The following METTL2A variants were observed in gnomAD, a reference collection of about 807,000 sequenced individuals.
METTL2A encodes the protein tRNA N(3)-cytidine methyltransferase METTL2A.
METTL2A carries 45 observed loss-of-function variants against 49.4 expected under a neutral mutation model. The observed-to-expected ratio is 0.91, with a 90% CI of 0.72 to 1.17. The LOEUF (loss-of-function observed/expected upper bound fraction) is 1.17, where lower values mean the gene tolerates loss of function less well. METTL2A is among the 50% of genes most tolerant of loss of function. The pLI is 0.00. For missense variants in METTL2A, 361 were observed against 462.2 expected (o/e 0.78, Z 2.01); for synonymous variants, 118 against 167.5 (o/e 0.70, Z 2.28).
chr17:62,439,901 G>A (rs2144149606), intron 5 of METTL2A, among the ~76,000 whole-genome samples: 1 of 152,158 alleles, frequency 6.6e-6, no homozygotes, highest in South Asian at 2.1e-4. Flanking sequence ...TATTTTAAAA[G>A]CAACTATTAG....
At chr17:62,424,361 C>G (rs1435463031) in intron 2 of METTL2A, 51 bp downstream of exon 2, 1 of 1,609,010 alleles carries the variant, frequency 6.2e-7, no homozygotes, top group Non-Finnish European at 8.5e-7. Context: ...TACTGCCGAA[C>G]GCGCCCTCCC....
chr17:62,437,776 A>G (rs1466675303), intron 5 of METTL2A, among the ~76,000 whole-genome samples: 1 of 151,942 alleles, frequency 6.6e-6, no homozygotes, highest in Non-Finnish European at 1.5e-5. Flanking sequence ...GTTCGATACC[A>G]TCCTGACCAA....
chr17:62,425,987 C>T (rs1401354893), intron 2 of METTL2A, among the ~76,000 whole-genome samples: 6 of 145,610 alleles, frequency 4.1e-5, no homozygotes, highest in African/African-American at 1.3e-4. Context: ...GGTGACAGAG[C>T]GAGACTCTGT....
At chr17:62,432,798 T>G (rs2070675028) in intron 4 of METTL2A, among the ~76,000 whole-genome samples, 1 of 139,188 alleles carries the variant, frequency 7.2e-6, no homozygotes, top group African/African-American at 3.0e-5. Flanking sequence ...TGAGACTCCG[T>G]CTCAAAAAAA....
intron 1 of METTL2A, 40 bp downstream of exon 1, chr17:62,424,052 T>C: frequency 6.2e-7 from 1 of 1,603,570 alleles, no homozygotes; most frequent in Non-Finnish European, 8.5e-7. Context: ...TCGCTGACCC[T>C]CTGTCCCGCC....
At chr17:62,426,000 C>CAAAA (rs1315462000) in intron 2 of METTL2A, among the ~76,000 whole-genome samples, 1 of 76,092 alleles carries the variant, frequency 1.3e-5, no homozygotes, top group African/African-American at 4.9e-5. Context: ...GACTCTGTCT[C>CAAAA]AAAAAAAAAA....
chr17:62,441,937 G>C (rs1468272390), intron 6 of METTL2A, among the ~76,000 whole-genome samples: 1 of 151,452 alleles, frequency 6.6e-6, no homozygotes, highest in Non-Finnish European at 1.5e-5. Context: ...TAGTAGAGAT[G>C]GTGTTTCACC....
chr17:62,429,920 C>T (rs1417815810), intron 4 of METTL2A, among the ~76,000 whole-genome samples: 3 of 152,256 alleles, frequency 2.0e-5, no homozygotes, highest in Non-Finnish European at 4.4e-5. Context: ...ATCCACCCAC[C>T]TCAGCCTCCC....
chr17:62,443,592 G>C (rs1462211532), intron 6 of METTL2A, among the ~76,000 whole-genome samples: 1 of 151,984 alleles, frequency 6.6e-6, no homozygotes, highest in Non-Finnish European at 1.5e-5. Context: ...TTTTTTGTTT[G>C]TTTGTTTGTT....
At chr17:62,440,593 C>T (rs181596000) in intron 5 of METTL2A, 24 bp from the exon 6 acceptor site, 2 of 1,596,446 alleles carry the variant, frequency 1.3e-6, no homozygotes, top group Non-Finnish European at 1.7e-6. Context: ...TTCTAACTTA[C>T]CTGTGTCTTC....
In METTL2A at chr17:62,433,763, CAT is replaced by C. The variant is rs1441521862; in HGVS notation, c.609-1467_609-1466del. On this transcript the variant is annotated intron_variant, in intron 4 of 8. Transcript: ENST00000311506. Reference sequence around the variant, plus strand: ...GTCTCAAAAAAAAAAAAAAGAAAAACATAAGAAAACAACGCTTGCCAGGCGCG... The same window carrying C: ...GTCTCAAAAAAAAAAAAAAGAAAAACAAGAAAACAACGCTTGCCAGGCGCG... 1.2e-4 allele frequency among the ~76,000 whole-genome samples: 18 copies of C among 149,236 alleles called. No homozygotes were observed. In the East Asian group the frequency reaches 3.4e-3, roughly 28 times the overall value.
chr17:62,431,932 G>A (rs1033586233), intron 4 of METTL2A, among the ~76,000 whole-genome samples: 6 of 152,072 alleles, frequency 3.9e-5, no homozygotes, highest in African/African-American at 1.4e-4. Flanking sequence ...TGTTGGCCAG[G>A]CTGGTCTCAA....
At chr17:62,425,477 C>T (rs1336758427) in intron 2 of METTL2A, among the ~76,000 whole-genome samples, 1 of 145,210 alleles carries the variant, frequency 6.9e-6, no homozygotes, top group East Asian at 2.1e-4. Context: ...ATCTCCTCCT[C>T]CCTGGTTCAA....
chr17:62,452,285 T>A lies in METTL2A; in HGVS notation c.*3556T>A, dbSNP rs2070810503. On this transcript the variant is annotated 3_prime_UTR_variant, in exon 9 of 9. Transcript: ENST00000311506. ...CAGAGGTAATGCTGTGTTCCTCCCA[T>A]AGGATCGTATCAGGCGACACATGAT... Among the ~76,000 whole-genome samples, 1 of 152,156 alleles carries A rather than the reference T, an allele frequency of 6.6e-6. No homozygotes were observed. Among genetic ancestry groups the A allele is most frequent in the Non-Finnish European group, 1.5e-5 (1 of 68,026 alleles).
chr17:62,443,551 G>C (rs1227528646), intron 6 of METTL2A, among the ~76,000 whole-genome samples: 2 of 152,144 alleles, frequency 1.3e-5, no homozygotes, highest in Admixed American at 1.3e-4. Flanking sequence ...GAGTCCAGCC[G>C]AGGCAACATA....
chr17:62,448,155 G>A (rs1396755845), intron 8 of METTL2A, among the ~76,000 whole-genome samples: 1 of 152,174 alleles, frequency 6.6e-6, no homozygotes, highest in Non-Finnish European at 1.5e-5. Context: ...GCTCTCCTCT[G>A]CAACTGGCCT....
Position 62,440,548 on chromosome 17 carries a change from A to G in METTL2A, c.670-69A>G, listed in dbSNP as rs535164798. The G allele has an allele frequency of 1.8e-5, 28 of 1,525,102 alleles. No homozygotes were observed. The Admixed American group carries it at 4.4e-4, about 24-fold the overall frequency. The allele number at this position is 1,525,102 out of a possible 1,614,324, so 94.5% of individuals were successfully genotyped here. The stretch of plus-strand genomic sequence containing the variant: ...GCAACAGTTACATTTAAAATTTAAA[A>G]CAAGATAATCTTTTCTTTAGGCTAT... On this transcript the variant is annotated intron_variant, in intron 5 of 8. Transcript: ENST00000311506.
At chr17:62,425,468 T>TCTC (rs1300794258) in intron 2 of METTL2A, among the ~76,000 whole-genome samples, 1 of 145,034 alleles carries the variant, frequency 6.9e-6, no homozygotes, top group African/African-American at 2.5e-5. Context: ...CTCGCTGCAA[T>TCTC]CTCCTCCTCC....
chr17:62,428,895 C>T (rs2070645976), intron 4 of METTL2A, among the ~76,000 whole-genome samples: 1 of 152,198 alleles, frequency 6.6e-6, no homozygotes. Context: ...GCAATCCTCT[C>T]ACCTCAGCCT....
Sources: allele counts gnomAD v4.1 joint callset (sites outside exome capture counted in the v4.1 genomes callset), GRCh38; gene constraint gnomAD v4.1.1; transcripts MANE v1.5; gene names NCBI Gene and HGNC (gene_info 2026-07-23, HGNC 2026-07-21).